The following NCAPG2 variants were observed in gnomAD, a reference collection of about 807,000 sequenced individuals.
The protein encoded by NCAPG2 is non-SMC condensin II complex subunit G2.
In NCAPG2, 53 loss-of-function variants were observed where a neutral mutation model predicts 141.1. The ratio of observed to expected loss-of-function variants is 0.38; its 90% CI spans 0.30 to 0.47. The LOEUF is 0.47. NCAPG2 is among the 20% of genes least tolerant of loss of function. The pLI is 0.99. For synonymous variants in NCAPG2, 499 were observed against 490.7 expected (o/e 1.02, Z -0.22); for missense variants, 1,087 against 1,389.0 (o/e 0.78, Z 3.46).
intron 12 of NCAPG2, among the ~76,000 whole-genome samples, chr7:158,673,772 C>A (rs545732371): frequency 6.6e-6 from 1 of 152,188 alleles, no homozygotes; most frequent in African/African-American, 2.4e-5. Flanking sequence ...GTGCAAGAGG[C>A]GCACGGCTCC....
chr7:158,666,571 TTCA>T (rs1832955930), intron 13 of NCAPG2, among the ~76,000 whole-genome samples: 1 of 151,084 alleles, frequency 6.6e-6, no homozygotes, highest in Admixed American at 6.6e-5. Context: ...CACGCTGCCT[TTCA>T]TTATCACACA....
chr7:158,691,466 G>T (rs1249594891), intron 4 of NCAPG2, among the ~76,000 whole-genome samples: 1 of 152,124 alleles, frequency 6.6e-6, no homozygotes, highest in African/African-American at 2.4e-5. Flanking sequence ...TTCAACTCAA[G>T]AATTCAGAAT....
intron 27 of NCAPG2, among the ~76,000 whole-genome samples, chr7:158,642,372 C>CA (rs1830709715): frequency 6.6e-6 from 1 of 151,876 alleles, no homozygotes; most frequent in South Asian, 2.1e-4. Context: ...CCCATCTCTG[C>CA]AAAAAAATTT....
intron 2 of NCAPG2, among the ~76,000 whole-genome samples, chr7:158,698,622 G>A (rs1835599476): frequency 6.6e-6 from 1 of 152,118 alleles, no homozygotes. Flanking sequence ...ACTTTAGGAT[G>A]TTCACACAAC....
intron 26 of NCAPG2, 50 bp downstream of exon 26, chr7:158,645,469 T>C: frequency 6.5e-7 from 1 of 1,528,120 alleles, no homozygotes; most frequent in African/African-American, 1.4e-5. Flanking sequence ...TGACAGCACC[T>C]GTGAGGTGCA....
chr7:158,679,701 T>A (rs1402174120), intron 11 of NCAPG2, among the ~76,000 whole-genome samples: 1 of 152,114 alleles, frequency 6.6e-6, no homozygotes, highest in African/African-American at 2.4e-5. Flanking sequence ...GGCATATGCA[T>A]AAAATGTTTA....
intron 26 of NCAPG2, 148 bp downstream of exon 26, chr7:158,645,371 C>T (rs1830931574): frequency 1.5e-6 from 1 of 658,232 alleles, no homozygotes; most frequent in Non-Finnish European, 2.7e-6. Context: ...CTGTGTCCAG[C>T]ACATGAGAAG....
intron 12 of NCAPG2, among the ~76,000 whole-genome samples, chr7:158,672,159 C>T (rs2129464695): frequency 6.6e-6 from 1 of 151,998 alleles, no homozygotes; most frequent in South Asian, 2.1e-4. Flanking sequence ...CAGGCCAAGG[C>T]TCAGTCTGGG....
At chr7:158,693,578 T>C in intron 2 of NCAPG2, 81 bp from the exon 3 acceptor site, 1 of 1,251,078 alleles carries the variant, frequency 8.0e-7, no homozygotes, top group South Asian at 1.5e-5. Flanking sequence ...AAAAGAAAAG[T>C]TAAGTGTTAA....
chr7:158,671,432 G>A (rs1470370008), intron 13 of NCAPG2, 82 bp downstream of exon 13: 8 of 1,496,914 alleles, frequency 5.3e-6, no homozygotes, highest in Non-Finnish European at 7.4e-6. Flanking sequence ...TTTAAAATGT[G>A]GAATTAAAAC....
chr7:158,674,661 T>C (rs4909093), intron 12 of NCAPG2, among the ~76,000 whole-genome samples: 138,139 of 152,336 alleles, frequency 0.91, 62,697 homozygotes, highest in East Asian at 0.96. Flanking sequence ...CCACAGAAGC[T>C]CCCACTAGGG....
chr7:158,640,965 A>G (rs1476584651), intron 27 of NCAPG2: 3 of 152,212 alleles, frequency 2.0e-5, no homozygotes, highest in East Asian at 1.9e-4. Flanking sequence ...GATTAGGATT[A>G]TTTTGTTATT....
At chr7:158,636,728 C>T (rs1210890998) in intron 27 of NCAPG2, among the ~76,000 whole-genome samples, 2 of 152,010 alleles carry the variant, frequency 1.3e-5, no homozygotes, top group East Asian at 1.9e-4. Context: ...AAGAAAAATG[C>T]TTAGACTTTT....
chr7:158,646,674 A>G (rs1831041573), intron 24 of NCAPG2, 111 bp from the exon 25 acceptor site: 2 of 661,660 alleles, frequency 3.0e-6, no homozygotes, highest in Admixed American at 3.5e-5. Flanking sequence ...TAGAAATTCA[A>G]AAGAATTATT....
At chr7:158,639,720 G>T in intron 27 of NCAPG2, 1 of 350,776 alleles carries the variant, frequency 2.9e-6, no homozygotes, top group Non-Finnish European at 4.0e-6. Flanking sequence ...ACACTGAAAA[G>T]GGAGAAGTTA....
At chr7:158,636,661 C>T (rs1248753642) in intron 27 of NCAPG2, among the ~76,000 whole-genome samples, 1 of 152,168 alleles carries the variant, frequency 6.6e-6, no homozygotes, top group Admixed American at 6.5e-5. Context: ...CTCAGCCTCC[C>T]AAAGTGCTGG....
Position 158,644,315 on chromosome 7 carries a change from A to C in NCAPG2, c.3354T>G (p.Ile1118Met), listed in dbSNP as rs781659208. The C allele has an allele frequency of 1.9e-6, 3 of 1,613,338 alleles. No homozygotes were observed. The East Asian group carries it at 6.7e-5, about 36-fold the overall frequency. Residue 1118 changes from isoleucine to methionine, a missense_variant, in exon 27 of 28, where the codon ATT becomes ATG. Ile to Met is a conservative substitution (Grantham distance 10, BLOSUM62 1). Transcript: ENST00000356309. ...VHRKLKTFME[I>M]TLEEDSIERF... ...TTTCAATGCTATCCTCTTCCAAAGT[A>C]ATTTCCATGAATGTCTTTAGTTTTC...
In NCAPG2 at chr7:158,701,916, C is replaced by G; in HGVS notation, c.-17G>C. On this transcript the variant is annotated 5_prime_UTR_variant, in exon 2 of 28. Transcript: ENST00000356309. ...TTTTTCCATGACAGATGGCACTGTT[C>G]AAATGGCATTTATTTTGTAACCCTA... The G allele has an allele frequency of 1.3e-6, 2 of 1,594,308 alleles. No individual in the cohort carries two copies. Among genetic ancestry groups the G allele is most frequent in the Non-Finnish European group, 1.7e-6 (2 of 1,170,796 alleles).
chr7:158,694,627 C>A (rs1835333663), intron 2 of NCAPG2, among the ~76,000 whole-genome samples: 1 of 152,076 alleles, frequency 6.6e-6, no homozygotes, highest in African/African-American at 2.4e-5. Context: ...AAGGCTATAC[C>A]ACAAAAGAGC....
Sources: allele counts gnomAD v4.1 joint callset (sites outside exome capture counted in the v4.1 genomes callset), GRCh38; gene constraint gnomAD v4.1.1; transcripts MANE v1.5; gene names NCBI Gene and HGNC (gene_info 2026-07-23, HGNC 2026-07-21).